Variants in GPC3 observed in about 807,000 individuals in gnomAD.
The protein encoded by GPC3 is glypican 3.
In GPC3, 3 loss-of-function variants were observed where a neutral mutation model predicts 34.4. The observed-to-expected ratio is 0.09, with a 90% CI of 0.04 to 0.23. The LOEUF (loss-of-function observed/expected upper bound fraction) is 0.23, where lower values mean the gene tolerates loss of function less well. GPC3 is among the 10% of genes least tolerant of loss of function. The pLI, the probability that GPC3 is intolerant of heterozygous loss-of-function variation, is 1.00. For synonymous variants in GPC3, 177 were observed against 174.0 expected, an observed-to-expected ratio of 1.02 and a Z score of -0.13; for missense variants, 351 against 445.6, an observed-to-expected ratio of 0.79 and a Z score of 1.91.
At chrX:133,855,330 T>C (rs1416244007) in intron 2 of GPC3, among the ~76,000 whole-genome samples, 3 of 109,614 alleles carry the variant, frequency 2.7e-5, no homozygotes, top group Non-Finnish European at 5.7e-5. Context: ...ACCCGACTAA[T>C]TTTTTAAATT....
At chrX:133,971,802 G>A (rs1243996751) in intron 1 of GPC3, among the ~76,000 whole-genome samples, 2 of 110,904 alleles carry the variant, frequency 1.8e-5, no homozygotes, top group African/African-American at 6.6e-5. Context: ...CAGAACATCC[G>A]TTGTTCCCCT....
intron 2 of GPC3, among the ~76,000 whole-genome samples, chrX:133,834,755 A>T (rs2075791980): frequency 8.9e-6 from 1 of 112,201 alleles, no homozygotes; most frequent in South Asian, 3.7e-4. Flanking sequence ...GTAGAAGGTC[A>T]ATACAGGAAT....
intron 2 of GPC3, among the ~76,000 whole-genome samples, chrX:133,773,530 A>G (rs1471961602): frequency 8.9e-6 from 1 of 112,140 alleles, no homozygotes; most frequent in African/African-American, 3.2e-5. Context: ...AAGGAGCAGA[A>G]CCATGTTTTA....
chrX:133,626,231 A>G (rs955755747), intron 6 of GPC3, among the ~76,000 whole-genome samples: 1 of 112,096 alleles, frequency 8.9e-6, no homozygotes, highest in East Asian at 2.8e-4. Context: ...AACCTAGGCA[A>G]TACCATTCAG....
At chrX:133,562,716 G>C (rs1441231590) in intron 7 of GPC3, among the ~76,000 whole-genome samples, 1 of 111,963 alleles carries the variant, frequency 8.9e-6, no homozygotes, top group Non-Finnish European at 1.9e-5. Flanking sequence ...GTAGGACTTA[G>C]ATGAAATTTG....
At chrX:133,892,594 G>GT (rs777575667) in intron 2 of GPC3, among the ~76,000 whole-genome samples, 24 of 108,651 alleles carry the variant, frequency 2.2e-4, no homozygotes, top group East Asian at 5.8e-4. Flanking sequence ...TTTGTTTTTT[G>GT]TTTTTTTTTA....
intron 6 of GPC3, among the ~76,000 whole-genome samples, chrX:133,660,301 A>C (rs1603214690): frequency 8.9e-6 from 1 of 112,590 alleles, no homozygotes; most frequent in East Asian, 2.8e-4. Context: ...TTCTTGCATA[A>C]GGATTTCAGT....
chrX:133,871,077 A>G (rs1258329271), intron 2 of GPC3, among the ~76,000 whole-genome samples: 1 of 111,465 alleles, frequency 9.0e-6, no homozygotes. Flanking sequence ...ATAAGTCTCA[A>G]TCTCTCTCCA....
intron 6 of GPC3, among the ~76,000 whole-genome samples, chrX:133,626,100 C>G (rs1327615447): frequency 9.0e-6 from 1 of 111,435 alleles, no homozygotes; most frequent in Non-Finnish European, 1.9e-5. Flanking sequence ...GCTGGGAAAA[C>G]TTGCTAGACA....
chrX:133,895,055 G>C (rs1208024961), intron 2 of GPC3, among the ~76,000 whole-genome samples: 2 of 112,087 alleles, frequency 1.8e-5, no homozygotes, highest in Admixed American at 1.9e-4. Flanking sequence ...CAGTTTGCTA[G>C]AAGTGTTCAT....
At chrX:133,654,478 G>A (rs2070632941) in intron 6 of GPC3, among the ~76,000 whole-genome samples, 1 of 111,358 alleles carries the variant, frequency 9.0e-6, no homozygotes, top group Non-Finnish European at 1.9e-5. Context: ...TTGGGAGGCC[G>A]AGGCAGGCGG....
intron 2 of GPC3, among the ~76,000 whole-genome samples, chrX:133,887,292 A>G (rs1490762023): frequency 5.3e-5 from 6 of 112,573 alleles, no homozygotes; most frequent in Admixed American, 9.4e-5. Context: ...TCCCACCAAC[A>G]GTATATAGAA....
chrX:133,611,399 C>T (rs2070111169), intron 6 of GPC3, among the ~76,000 whole-genome samples: 1 of 111,896 alleles, frequency 8.9e-6, no homozygotes, highest in Non-Finnish European at 1.9e-5. Flanking sequence ...GAGGAAAAGG[C>T]TTGGTTCCTA....
In GPC3 at chrX:133,810,353, C is replaced by T. The variant is rs765364669; in HGVS notation, c.338-56177G>A. Among the ~76,000 whole-genome samples, 13 of 111,882 alleles carry T rather than the reference C, an allele frequency of 1.2e-4. No individual in the cohort carries two copies. The East Asian group carries it at 1.7e-3, about 15-fold the overall frequency. ...CTAATTGGCTTGGGTTTTGTGAATT[C>T]GTCATCCTTCCTAAATTACAGAAAA... is the stretch of plus-strand genomic sequence containing the variant. On this transcript the variant is annotated intron_variant, in intron 2 of 7. Coordinates refer to ENST00000370818, the MANE Select transcript of GPC3 (RefSeq NM_004484.4).
chrX:133,655,562 T>G (rs758439132), intron 6 of GPC3, among the ~76,000 whole-genome samples: 1 of 110,737 alleles, frequency 9.0e-6, no homozygotes, highest in Admixed American at 9.7e-5. Flanking sequence ...TGGCAATTAC[T>G]AGAGTTCTGC....
chrX:133,610,619 G>A (rs757863646), intron 6 of GPC3, among the ~76,000 whole-genome samples: 1 of 105,838 alleles, frequency 9.4e-6, no homozygotes, highest in South Asian at 4.5e-4. Flanking sequence ...TATCATGTTC[G>A]TTCAACATAA....
intron 5 of GPC3, among the ~76,000 whole-genome samples, chrX:133,667,663 C>T (rs1231109691): frequency 9.1e-6 from 1 of 109,875 alleles, no homozygotes; most frequent in African/African-American, 3.3e-5. Context: ...CCCGCCTGGG[C>T]AACATGGTGA....
At chrX:133,928,433 G>A (rs778544561) in intron 2 of GPC3, among the ~76,000 whole-genome samples, 7 of 111,556 alleles carry the variant, frequency 6.3e-5, no homozygotes, top group East Asian at 2.8e-4. Flanking sequence ...GGGTATATAC[G>A]TGCTAAAAAT....
chrX:133,978,184 C>T (rs761654470), intron 1 of GPC3, among the ~76,000 whole-genome samples: 7 of 112,413 alleles, frequency 6.2e-5, no homozygotes, highest in South Asian at 7.5e-4. Context: ...CCCCCTGCCT[C>T]GGCCTACCAA....
Sources: allele counts gnomAD v4.1 joint callset (sites outside exome capture counted in the v4.1 genomes callset), GRCh38; gene constraint gnomAD v4.1.1; transcripts MANE v1.5; gene names NCBI Gene and HGNC (gene_info 2026-07-23, HGNC 2026-07-21).